Variants in ASIC2 observed in about 807,000 individuals in gnomAD.
ASIC2 encodes acid-sensing ion channel 2.
ASIC2 carries 25 observed loss-of-function variants against 57.3 expected under a neutral mutation model. The observed-to-expected ratio is 0.44, with a 90% CI of 0.32 to 0.61. ASIC2 has a LOEUF of 0.61. Ranked by LOEUF, ASIC2 falls within the 20% of genes least tolerant of loss-of-function variation. The pLI, the probability that ASIC2 is intolerant of heterozygous loss-of-function variation, is 0.06. For synonymous variants in ASIC2, 319 were observed against 307.5 expected, an observed-to-expected ratio of 1.04 and a Z score of -0.39; for missense variants, 641 against 738.1, an observed-to-expected ratio of 0.87 and a Z score of 1.52.
At chr17:33,432,380 G>T (rs1165397156) in intron 1 of ASIC2, among the ~76,000 whole-genome samples, 1 of 152,162 alleles carries the variant, frequency 6.6e-6, no homozygotes, top group Non-Finnish European at 1.5e-5. Context: ...GCTGGGCATG[G>T]TGGCATATAC....
At chr17:34,078,178 G>A (rs1389772030) in intron 1 of ASIC2, among the ~76,000 whole-genome samples, 4 of 152,092 alleles carry the variant, frequency 2.6e-5, no homozygotes, top group Non-Finnish European at 5.9e-5. Flanking sequence ...TGTTCCCCAG[G>A]TCACATGTCT....
intron 1 of ASIC2, among the ~76,000 whole-genome samples, chr17:34,138,942 G>A (rs1460843387): frequency 6.6e-6 from 1 of 152,194 alleles, no homozygotes; most frequent in Non-Finnish European, 1.5e-5. Context: ...GCTTACATAG[G>A]AGGAACTGTA....
chr17:33,366,831 T>C (rs552092847), intron 1 of ASIC2, among the ~76,000 whole-genome samples: 1 of 152,294 alleles, frequency 6.6e-6, no homozygotes, highest in African/African-American at 2.4e-5. Flanking sequence ...TCTATCAGTA[T>C]TGGACAAAAC....
intron 1 of ASIC2, among the ~76,000 whole-genome samples, chr17:33,655,388 A>G (rs1907047074): frequency 6.6e-6 from 1 of 152,150 alleles, no homozygotes; most frequent in South Asian, 2.1e-4. Flanking sequence ...TGTCTGGGCT[A>G]TTGCTCTGAT....
At chr17:33,192,122 G>A (rs1242256646) in intron 1 of ASIC2, among the ~76,000 whole-genome samples, 1 of 152,096 alleles carries the variant, frequency 6.6e-6, no homozygotes, top group Non-Finnish European at 1.5e-5. Context: ...AAGAGTGCTT[G>A]GACATTTATG....
intron 1 of ASIC2, among the ~76,000 whole-genome samples, chr17:33,476,646 G>C (rs1382648054): frequency 6.6e-6 from 1 of 151,730 alleles, no homozygotes; most frequent in Non-Finnish European, 1.5e-5. Context: ...ACTTCCAAGA[G>C]GGGGTGCAGC....
At chr17:33,690,037 T>C (rs1908316797) in intron 1 of ASIC2, among the ~76,000 whole-genome samples, 1 of 152,242 alleles carries the variant, frequency 6.6e-6, no homozygotes, top group South Asian at 2.1e-4. Context: ...TTGTGGTAAC[T>C]TGTTATAGCA....
At chr17:34,064,588 G>C (rs1346924753) in intron 1 of ASIC2, among the ~76,000 whole-genome samples, 4 of 152,088 alleles carry the variant, frequency 2.6e-5, no homozygotes, top group Admixed American at 2.0e-4. Context: ...AGAGTAAACA[G>C]GCAACCCACA....
intron 1 of ASIC2, among the ~76,000 whole-genome samples, chr17:33,842,502 G>C (rs1051254674): frequency 2.0e-5 from 3 of 152,218 alleles, no homozygotes; most frequent in African/African-American, 7.2e-5. Flanking sequence ...AGGAGATGGA[G>C]AGCTGTGTCA....
intron 1 of ASIC2, among the ~76,000 whole-genome samples, chr17:33,351,322 C>T (rs1461404123): frequency 1.3e-5 from 2 of 152,044 alleles, no homozygotes; most frequent in Non-Finnish European, 2.9e-5. Flanking sequence ...GGTCTAAGCA[C>T]CATGAGCAGC....
chr17:33,588,658 G>A (rs1275037392), intron 1 of ASIC2, among the ~76,000 whole-genome samples: 8 of 152,318 alleles, frequency 5.3e-5, no homozygotes, highest in African/African-American at 1.9e-4. Context: ...ACAAGTGTGA[G>A]GAAAGAGGAG....
chr17:33,472,855 G>A (rs1913100272), intron 1 of ASIC2, among the ~76,000 whole-genome samples: 1 of 152,172 alleles, frequency 6.6e-6, no homozygotes, highest in African/African-American at 2.4e-5. Flanking sequence ...TGGAGTCCAG[G>A]AATTCTGGGC....
intron 3 of ASIC2, among the ~76,000 whole-genome samples, chr17:33,041,112 T>C (rs1024914184): frequency 6.6e-6 from 1 of 152,072 alleles, no homozygotes; most frequent in African/African-American, 2.4e-5. Context: ...GTTCTCTCCC[T>C]CCTCCTCCTG....
chr17:33,537,878 C>G (rs1015174236), intron 1 of ASIC2, among the ~76,000 whole-genome samples: 11 of 152,322 alleles, frequency 7.2e-5, no homozygotes, highest in African/African-American at 2.4e-4. Flanking sequence ...GCAATAGGAA[C>G]AGGATCTAGA....
intron 1 of ASIC2, among the ~76,000 whole-genome samples, chr17:33,632,980 G>A (rs1379605714): frequency 6.6e-6 from 1 of 152,204 alleles, no homozygotes. Flanking sequence ...GCCTAGTTGA[G>A]GAAGAAGACC....
At chr17:33,341,782 G>C (rs905060509) in intron 1 of ASIC2, among the ~76,000 whole-genome samples, 1 of 152,180 alleles carries the variant, frequency 6.6e-6, no homozygotes, top group Non-Finnish European at 1.5e-5. Flanking sequence ...ATACACAGTT[G>C]AGAAACCTCT....
Position 34,088,339 on chromosome 17 carries a change from G to C in ASIC2, c.555+67639C>G, listed in dbSNP as rs186686149. 2.6e-3 allele frequency among the ~76,000 whole-genome samples: 400 copies of C among 152,318 alleles called. 1 individual carries two copies. Among genetic ancestry groups the C allele is most frequent in the Non-Finnish European group, 3.9e-3 (266 of 68,030 alleles). ...CCTGTTTGCCTGGGTATCAGCAGCG[G>C]TGTTTGCAGAACAGCGGTTTTTCGT... On this transcript the variant is annotated intron_variant, in intron 1 of 9. Transcript: ENST00000359872.
chr17:33,240,575 T>C (rs906983098), intron 1 of ASIC2, among the ~76,000 whole-genome samples: 2 of 152,216 alleles, frequency 1.3e-5, no homozygotes, highest in African/African-American at 2.4e-5. Context: ...TGGAGTTCTT[T>C]GTCTGGATGA....
At chr17:33,374,888 C>G (rs952310096) in intron 1 of ASIC2, among the ~76,000 whole-genome samples, 5 of 152,130 alleles carry the variant, frequency 3.3e-5, no homozygotes, top group Non-Finnish European at 7.4e-5. Context: ...ATCTCGTTTA[C>G]TTTGAACCAC....
Sources: gnomAD v4.1 joint callset for allele counts (sites outside exome capture counted in the v4.1 genomes callset) on GRCh38, gnomAD v4.1.1 for gene constraint, MANE v1.5 for transcripts, NCBI Gene and HGNC (gene_info 2026-07-23, HGNC 2026-07-21) for gene names.